CFAP221: variants seen among roughly 807,000 people sequenced by gnomAD.
CFAP221 encodes cilia- and flagella-associated protein 221.
CFAP221 carries 97 observed loss-of-function variants against 113.1 expected under a neutral mutation model. The ratio of observed to expected loss-of-function variants is 0.86; its 90% confidence interval spans 0.73 to 1.02. The LOEUF (loss-of-function observed/expected upper bound fraction) is 1.02. CFAP221 is among the 50% of genes least tolerant of loss of function. The probability of loss-of-function intolerance (pLI) is 0.00; values close to 1 mark genes in which losing one functional copy is unlikely to be tolerated. For missense variants in CFAP221, 1,025 were observed against 1,013.4 expected (o/e 1.01, Z -0.16); for synonymous variants, 331 against 354.4 (o/e 0.93, Z 0.74).
chr2:119,627,883 C>T, intron 16 of CFAP221, 97 bp downstream of exon 16: 1 of 1,477,536 alleles, frequency 6.8e-7, no homozygotes, highest in Non-Finnish European at 9.2e-7. Flanking sequence ...GTCCCTTCAC[C>T]TCCTCCCAGA....
At chr2:119,645,380 T>C (rs2104802655) in intron 21 of CFAP221, among the ~76,000 whole-genome samples, 1 of 151,896 alleles carries the variant, frequency 6.6e-6, no homozygotes, top group Admixed American at 6.6e-5. Context: ...GGTCTTCTAA[T>C]GTATCCTTCC....
chr2:119,587,763 T>C (rs1209325634), intron 7 of CFAP221, among the ~76,000 whole-genome samples: 1 of 152,230 alleles, frequency 6.6e-6, no homozygotes, highest in Non-Finnish European at 1.5e-5. Context: ...TACTGTGGTC[T>C]ACTGTGGACA....
chr2:119,556,499 T>C (rs1013739176), intron 3 of CFAP221, among the ~76,000 whole-genome samples: 3 of 152,136 alleles, frequency 2.0e-5, no homozygotes, highest in Non-Finnish European at 4.4e-5. Context: ...ATTGGATCTA[T>C]GTTGTTTTAT....
intron 3 of CFAP221, among the ~76,000 whole-genome samples, chr2:119,551,183 G>GGGGC (rs1680395915): frequency 6.6e-6 from 1 of 152,134 alleles, no homozygotes; most frequent in Non-Finnish European, 1.5e-5. Context: ...TTTCCACATT[G>GGGGC]GGGCTATCAT....
chr2:119,592,317 C>T (rs1683652338), intron 7 of CFAP221, among the ~76,000 whole-genome samples: 1 of 152,130 alleles, frequency 6.6e-6, no homozygotes, highest in African/African-American at 2.4e-5. Context: ...AAATTTGTTG[C>T]TAAAATTAAG....
intron 14 of CFAP221, among the ~76,000 whole-genome samples, chr2:119,617,451 G>T (rs1014426402): frequency 9.2e-5 from 14 of 152,332 alleles, no homozygotes; most frequent in African/African-American, 3.1e-4. Flanking sequence ...ATTGACAATA[G>T]AAAAACAACA....
chr2:119,638,461 C>T, intron 20 of CFAP221, 44 bp downstream of exon 20: 1 of 1,605,342 alleles, frequency 6.2e-7, no homozygotes, highest in South Asian at 1.1e-5. Flanking sequence ...CCCTGGGCTG[C>T]AGGGAGGGGC....
intron 6 of CFAP221, among the ~76,000 whole-genome samples, chr2:119,581,524 G>A (rs1682843588): frequency 6.6e-6 from 1 of 152,162 alleles, no homozygotes; most frequent in African/African-American, 2.4e-5. Flanking sequence ...AATTCACCCA[G>A]TATAGAGTAC....
At chr2:119,642,785 C>T (rs1415440051) in intron 21 of CFAP221, among the ~76,000 whole-genome samples, 1 of 151,992 alleles carries the variant, frequency 6.6e-6, no homozygotes, top group Non-Finnish European at 1.5e-5. Flanking sequence ...AGCAATCCTC[C>T]CACCTCAGCC....
chr2:119,629,731 A>C (rs1399976910), intron 16 of CFAP221, 144 bp from the exon 17 acceptor site: 9 of 603,750 alleles, frequency 1.5e-5, no homozygotes, highest in African/African-American at 5.6e-5. Context: ...CCTGCCCTAC[A>C]GATCAAGTGG....
intron 19 of CFAP221, among the ~76,000 whole-genome samples, chr2:119,632,270 G>A (rs575837029): frequency 1.3e-5 from 2 of 152,182 alleles, no homozygotes; most frequent in Admixed American, 6.5e-5. Flanking sequence ...ACAAAATTTT[G>A]ATAAATCAAA....
chr2:119,601,125 TCAGAGGGTCAGC>T (rs1684336871), intron 7 of CFAP221, 81 bp from the exon 8 acceptor site: 1 of 1,253,786 alleles, frequency 8.0e-7, no homozygotes, highest in Non-Finnish European at 1.1e-6. Context: ...CTCCACATTG[TCAGAGGGTCAGC>T]CATATTTGTG....
chr2:119,628,597 T>C (rs1686543519), intron 16 of CFAP221, among the ~76,000 whole-genome samples: 1 of 152,186 alleles, frequency 6.6e-6, no homozygotes, highest in Non-Finnish European at 1.5e-5. Flanking sequence ...TCGTTAGTAA[T>C]AAAAAGTATA....
At chr2:119,651,599 T>C (rs1688133687) in intron 22 of CFAP221, among the ~76,000 whole-genome samples, 1 of 152,218 alleles carries the variant, frequency 6.6e-6, no homozygotes, top group South Asian at 2.1e-4. Context: ...TCTAATTCCA[T>C]TGTGGAGAGA....
chr2:119,605,053 C>T (rs1684640979), intron 10 of CFAP221, 66 bp downstream of exon 10: 3 of 1,520,024 alleles, frequency 2.0e-6, no homozygotes, highest in Non-Finnish European at 2.7e-6. Flanking sequence ...GCTGGTCACA[C>T]TGATTACCTA....
chr2:119,551,438 A>C (rs1038005788), intron 3 of CFAP221, among the ~76,000 whole-genome samples: 1 of 152,102 alleles, frequency 6.6e-6, no homozygotes, highest in Non-Finnish European at 1.5e-5. Flanking sequence ...ATTTTGAGTT[A>C]ATTTTTATGT....
chr2:119,602,812 A>G (rs1055888040), intron 8 of CFAP221: 1 of 979,756 alleles, frequency 1.0e-6, no homozygotes, highest in Non-Finnish European at 1.2e-6. Flanking sequence ...CAATACTCAA[A>G]TGACTTTCTT....
intron 21 of CFAP221, 83 bp from the exon 22 acceptor site, chr2:119,646,874 TA>T: frequency 2.4e-6 from 3 of 1,264,578 alleles, no homozygotes; most frequent in Non-Finnish European, 3.4e-6. Context: ...AGCAGTAAAA[TA>T]AAAATTCTTT....
intron 6 of CFAP221, among the ~76,000 whole-genome samples, chr2:119,568,884 G>A (rs887089118): frequency 1.1e-4 from 17 of 152,142 alleles, no homozygotes; most frequent in Admixed American, 7.2e-4. Context: ...TCGCAAGGCA[G>A]GTCCACTGGC....
Sources: gnomAD v4.1 joint callset for allele counts (sites outside exome capture counted in the v4.1 genomes callset) on GRCh38, gnomAD v4.1.1 for gene constraint, MANE v1.5 for transcripts, NCBI Gene and HGNC (gene_info 2026-07-23, HGNC 2026-07-21) for gene names.